Variants in PCDHA4 observed in about 807,000 individuals in gnomAD.
The protein encoded by PCDHA4 is protocadherin alpha 4.
Under a neutral mutation model 61.4 loss-of-function variants are expected in PCDHA4, and 49 were observed. That is an observed-to-expected ratio of 0.80 (90% confidence interval 0.63 to 1.01). The LOEUF (loss-of-function observed/expected upper bound fraction) is 1.01, where lower values mean the gene tolerates loss of function less well. Among genes scored for constraint, PCDHA4 ranks in the 50% least tolerant of loss-of-function variants. PCDHA4 has a pLI of 0.00. For synonymous variants in PCDHA4, 590 were observed against 550.3 expected, an observed-to-expected ratio of 1.07 and a Z score of -1.01; for missense variants, 1,254 against 1,235.8, an observed-to-expected ratio of 1.01 and a Z score of -0.22.
chr5:140,809,605 G>T, intron 1 of PCDHA4, 33 bp downstream of exon 1: 1 of 1,524,890 alleles, frequency 6.6e-7, no homozygotes, highest in Admixed American at 2.2e-5. Context: ...TTTAATTTTC[G>T]TATTGTTTTT....
chr5:140,877,699 A>G (rs1554169995), intron 1 of PCDHA4: 2 of 1,613,896 alleles, frequency 1.2e-6, no homozygotes, highest in Middle Eastern at 1.7e-4. Flanking sequence ...GGTGTGCTCC[A>G]GCGCCGTGGG....
intron 1 of PCDHA4, among the ~76,000 whole-genome samples, chr5:140,900,446 T>C (rs1344652526): frequency 6.6e-6 from 1 of 152,154 alleles, no homozygotes; most frequent in African/African-American, 2.4e-5. Context: ...GCCGGCTAAT[T>C]TTTTATTTTT....
chr5:140,834,418 G>A (rs1248577104), intron 1 of PCDHA4: 19 of 1,611,550 alleles, frequency 1.2e-5, no homozygotes, highest in Non-Finnish European at 1.6e-5. Context: ...CCAGGGGGCC[G>A]ACATCTACTG....
chr5:140,829,227 C>T (rs2150164224), intron 1 of PCDHA4: 1 of 1,614,240 alleles, frequency 6.2e-7, no homozygotes, highest in African/African-American at 1.3e-5. Context: ...GACCTCGATT[C>T]AGGTGCCAAC....
chr5:140,858,426 A>T, intron 1 of PCDHA4: 9 of 1,551,394 alleles, frequency 5.8e-6, no homozygotes, highest in Non-Finnish European at 7.9e-6. Flanking sequence ...GGAGGGGACC[A>T]CTCTAGGAAG....
At chr5:140,999,837 A>G (rs2097878885) in intron 3 of PCDHA4, among the ~76,000 whole-genome samples, 2 of 152,206 alleles carry the variant, frequency 1.3e-5, no homozygotes, top group South Asian at 2.1e-4. Flanking sequence ...AAATATGCCA[A>G]GTGTATTTAT....
chr5:140,949,978 C>T (rs557456282), intron 1 of PCDHA4, among the ~76,000 whole-genome samples: 1 of 151,916 alleles, frequency 6.6e-6, no homozygotes, highest in East Asian at 1.9e-4. Context: ...AGCATACATA[C>T]TTAACTTTTC....
At position 140,850,379 on chromosome 5, in the gene PCDHA4, G is replaced by T. The variant is rs2150481547; in HGVS notation, c.2385+40807G>T. On this transcript the variant is annotated intron_variant, in intron 1 of 3. Coordinates refer to ENST00000530339, the MANE Select transcript of PCDHA4 (RefSeq NM_018907.4). ...TCCCGTTCCGCGTGGGGCTGTACAC[G>T]GGCGAGATCAGCACAACGCGTGCCC... is the stretch of plus-strand genomic sequence containing the variant. 2.0e-5 allele frequency: 32 copies of T among 1,597,786 alleles called. 2 individuals carry two copies. Among genetic ancestry groups the T allele is most frequent in the Admixed American group, 3.4e-5 (2 of 59,250 alleles).
intron 1 of PCDHA4, chr5:140,824,454 A>C (rs1268614425): frequency 3.2e-5 from 14 of 439,740 alleles, no homozygotes; most frequent in Non-Finnish European, 5.2e-5. Context: ...ACTACATGAA[A>C]ATTTATTTTA....
At chr5:140,931,793 A>C (rs979670484) in intron 1 of PCDHA4, among the ~76,000 whole-genome samples, 33 of 151,972 alleles carry the variant, frequency 2.2e-4, no homozygotes, top group African/African-American at 7.7e-4. Context: ...TATTGATCTG[A>C]TCTTAATTCT....
intron 1 of PCDHA4, chr5:140,851,022 TA>T: frequency 7.0e-7 from 1 of 1,428,364 alleles, no homozygotes; most frequent in Non-Finnish European, 9.2e-7. Flanking sequence ...TCTGATAAAG[TA>T]AACCCCTTAA....
At position 140,892,541 on chromosome 5, in the gene PCDHA4, T is replaced by C. The variant is rs192378744; in HGVS notation, c.2385+82969T>C. Among the ~76,000 whole-genome samples, 471 of 152,362 alleles carry C rather than the reference T, an allele frequency of 3.1e-3. 2 individuals are homozygous for C. Among genetic ancestry groups the C allele is most frequent in the African/African-American group, 0.011 (438 of 41,580 alleles). On this transcript the variant is annotated intron_variant, in intron 1 of 3. Coordinates refer to ENST00000530339, the MANE Select transcript of PCDHA4 (RefSeq NM_018907.4). ...CTGGTAGACTCAGGATTCTGACTTTTGTTTCTCTAGTCCTTGGAGACTGTC... is the reference window on the plus strand; with the variant it reads ...CTGGTAGACTCAGGATTCTGACTTTCGTTTCTCTAGTCCTTGGAGACTGTC...
intron 1 of PCDHA4, chr5:140,853,593 G>C (rs2042798259): frequency 1.0e-6 from 1 of 986,850 alleles, no homozygotes; most frequent in Admixed American, 6.3e-5. Flanking sequence ...TAGACACTTT[G>C]AGAGCAAAGG....
chr5:140,822,633 C>T (rs143650923), intron 1 of PCDHA4: 28 of 1,610,462 alleles, frequency 1.7e-5, no homozygotes, highest in African/African-American at 2.7e-5. Context: ...TTGTTCTTGA[C>T]GATGTAAAGT....
chr5:141,009,732 A>G lies in PCDHA4; in HGVS notation c.2639A>G (p.Glu880Gly). ...AACCCCAAACAATCCGGTCCCGGTG[A>G]GTTGCCCGACAAATTCATTATCCCA... is the stretch of plus-strand genomic sequence containing the variant. Reference protein sequence around the residue: ...PGNPKQSGPGELPDKFIIPGS... With the variant: ...PGNPKQSGPGGLPDKFIIPGS... Residue 880 changes from glutamate to glycine, a missense_variant, in exon 4 of 4, where the codon GAG becomes GGG. Transcript: ENST00000530339. The G allele has an allele frequency of 6.2e-7, 1 of 1,614,168 alleles. No individual in the cohort carries two copies. Among genetic ancestry groups the G allele is most frequent in the Non-Finnish European group, 8.5e-7 (1 of 1,180,032 alleles).
At chr5:140,883,623 C>T (rs782045250) in intron 1 of PCDHA4, 3 of 1,613,988 alleles carry the variant, frequency 1.9e-6, no homozygotes, top group East Asian at 4.5e-5. Context: ...AACGACAACG[C>T]GCCGGCGTTC....
Position 140,808,058 on chromosome 5 carries a change from T to G in PCDHA4, c.871T>G (p.Ser291Ala). ...FSNDISPNVK[S>A]KFHIDPITGQ... ...AAATGATATTTCGCCAAATGTGAAATCCAAGTTTCACATAGATCCAATTAC... is the reference window on the plus strand; with the variant it reads ...AAATGATATTTCGCCAAATGTGAAAGCCAAGTTTCACATAGATCCAATTAC... The change falls in exon 1 of 4, where the codon TCC becomes GCC. Residue 291 changes from serine to alanine, a missense_variant. Ser to Ala is a moderately conservative substitution (Grantham distance 99). Coordinates refer to ENST00000530339, the MANE Select transcript of PCDHA4 (RefSeq NM_018907.4). 2 of 1,613,892 alleles carry G rather than the reference T, an allele frequency of 1.2e-6. No homozygotes were observed. The highest frequency in any genetic ancestry group is 1.3e-5 in the African/African-American group (1 of 75,028).
rs1395280300 is a variant in PCDHA4, at chr5:140,857,152, T to C, written c.2385+47580T>C. ...AAGATGCTCAAGTGGGCACCGTCAT[T>C]GCCCTAATCAGCGTTTCTGACCATG... On this transcript the variant is annotated intron_variant, in intron 1 of 3. Coordinates refer to ENST00000530339, the MANE Select transcript of PCDHA4 (RefSeq NM_018907.4). The C allele has an allele frequency of 3.8e-6, 6 of 1,598,324 alleles. 1 individual carries two copies. In the Admixed American group the frequency reaches 8.4e-5, roughly 22 times the overall value.
In PCDHA4 at chr5:140,807,334, G is replaced by A. The variant is rs782485620; in HGVS notation, c.147G>A (p.Ala49=). Residue 49 remains alanine (A), a synonymous_variant, in exon 1 of 4, where the codon GCG becomes GCA. Transcript: ENST00000530339. ...ACGGCACCTTCGTGGGCCGCATCGC[G>A]CAGGACCTGGGACTGGAGCTGGCGG... The part of the protein sequence containing the change: ...AKHGTFVGRI[A]QDLGLELAEL... 1 of 1,613,482 alleles carries A rather than the reference G, an allele frequency of 6.2e-7. No homozygotes were observed. Among genetic ancestry groups the A allele is most frequent in the South Asian group, 1.1e-5 (1 of 91,038 alleles).
Sources: gnomAD v4.1 joint callset for allele counts (sites outside exome capture counted in the v4.1 genomes callset) on GRCh38, gnomAD v4.1.1 for gene constraint, MANE v1.5 for transcripts, NCBI Gene and HGNC (gene_info 2026-07-23, HGNC 2026-07-21) for gene names.